Variants in ZNF713 observed in about 807,000 individuals in gnomAD.
ZNF713 encodes the protein zinc finger protein 713.
A neutral mutation model predicts 28.7 loss-of-function variants in ZNF713; 21 were observed. The ratio of observed to expected loss-of-function variants is 0.73; its 90% confidence interval spans 0.52 to 1.05. The LOEUF is 1.05. ZNF713 is among the 50% of genes least tolerant of loss of function. The probability of loss-of-function intolerance (pLI) is 0.00; values close to 1 mark genes in which losing one functional copy is unlikely to be tolerated. For synonymous variants in ZNF713, 167 were observed against 178.0 expected, an observed-to-expected ratio of 0.94 and a Z score of 0.49; for missense variants, 458 against 532.4, an observed-to-expected ratio of 0.86 and a Z score of 1.37.
chr7:55,888,562 T>A (rs1269455884), intron 1 of ZNF713, among the ~76,000 whole-genome samples: 1 of 152,094 alleles, frequency 6.6e-6, no homozygotes, highest in Non-Finnish European at 1.5e-5. Context: ...GTTGTTGTTG[T>A]TGTTGTTAGC....
At chr7:55,919,688 T>A (rs1785956676) in intron 4 of ZNF713, among the ~76,000 whole-genome samples, 1 of 151,836 alleles carries the variant, frequency 6.6e-6, no homozygotes, top group Non-Finnish European at 1.5e-5. Context: ...TAAATTTTTT[T>A]ACACTTTTTA....
intron 6 of ZNF713, among the ~76,000 whole-genome samples, chr7:55,927,256 G>T: frequency 6.6e-6 from 1 of 152,150 alleles, no homozygotes; most frequent in East Asian, 1.9e-4. Flanking sequence ...ATTGTTCTAG[G>T]CCAGGCTCAG....
chr7:55,923,189 G>A lies in ZNF713; in HGVS notation c.115G>A (p.Val39Met), dbSNP rs764109154. 6.8e-6 allele frequency: 11 copies of A among 1,612,530 alleles called. No individual in the cohort carries two copies. Among genetic ancestry groups the A allele is most frequent in the African/African-American group, 2.7e-5 (2 of 74,844 alleles). Residue 39 changes from valine to methionine, a missense_variant, in exon 5 of 7, where the codon GTG becomes ATG. Transcript: ENST00000429591. ...ATCACTGACGTTTCAGGATGTGGCC[G>A]TGGACTTCACCAGAGAGGAGTGGGA... ...QESLTFQDVA[V>M]DFTREEWDQL...
In ZNF713 at chr7:55,939,189, A is replaced by G. The variant is rs183534059; in HGVS notation, c.515A>G (p.Lys172Arg). The G allele has an allele frequency of 1.9e-6, 3 of 1,614,008 alleles. No individual in the cohort carries two copies. Among genetic ancestry groups the G allele is most frequent in the African/African-American group, 2.7e-5 (2 of 75,030 alleles). The change falls in exon 7 of 7, where the codon AAA becomes AGA. Residue 172 changes from lysine to arginine, a missense_variant. Lys to Arg is a conservative substitution (Grantham distance 26). Transcript: ENST00000429591. ...RYLGQVTLTH[K>R]KITQERSLEC... ...TTAGGACAAGTAACTTTGACCCACA[A>G]AAAGATCACACAGGAGAGAAGCCTT...
At position 55,887,861 on chromosome 7, in the gene ZNF713, CGGGCGGCGGCGGCGGCGGCGGCGGCG is replaced by C. The variant is rs1562731800; in HGVS notation, c.-583+184_-583+209del. Reference sequence around the variant, plus strand: ...GGCGGGCGGCGGCGGCGGCGGGCGGCGGGCGGCGGCGGCGGCGGCGGCGGCGGGCGGCGGCGGCGGCGGGAGGCGGC... The same window carrying C: ...GGCGGGCGGCGGCGGCGGCGGGCGGCGGCGGCGGCGGCGGCGGGAGGCGGC... On this transcript the variant is annotated intron_variant, in intron 1 of 6. Coordinates refer to ENST00000429591, the MANE Select transcript of ZNF713 (RefSeq NM_182633.3). Among the ~76,000 whole-genome samples, 22 of 12,678 alleles carry C rather than the reference CGGGCGGCGGCGGCGGCGGCGGCGGCG, an allele frequency of 1.7e-3. 7 individuals carry two copies. In the South Asian group the frequency reaches 0.028, roughly 16 times the overall value. The allele number at this position is 12,678 out of a possible 152,430, so 8.3% of individuals were successfully genotyped here.
chr7:55,897,912 T>G (rs1785503217), intron 1 of ZNF713, among the ~76,000 whole-genome samples: 1 of 152,198 alleles, frequency 6.6e-6, no homozygotes, highest in South Asian at 2.1e-4. Context: ...AAGCGTCTTT[T>G]GCTATTCATA....
intron 6 of ZNF713, among the ~76,000 whole-genome samples, chr7:55,934,870 T>C (rs1198732491): frequency 6.6e-6 from 1 of 151,308 alleles, no homozygotes; most frequent in Admixed American, 6.6e-5. Flanking sequence ...GCAAACCCTA[T>C]GATCTGGCAT....
Position 55,939,694 on chromosome 7 carries a change from G to C in ZNF713, c.1020G>C (p.Lys340Asn). ...ATCTGAGGATTCATACTGGAGAAAAGCCCTATAAATGTAATCAATGTGGTA... is the reference window on the plus strand; with the variant it reads ...ATCTGAGGATTCATACTGGAGAAAACCCCTATAAATGTAATCAATGTGGTA... ...TQHLRIHTGE[K>N]PYKCNQCGKA... The change falls in exon 7 of 7, where the codon AAG becomes AAC. Residue 340 changes from lysine to asparagine, a missense_variant. Physicochemically the swap from Lys to Asn is moderately conservative, Grantham distance 94 (BLOSUM62 0). Coordinates refer to ENST00000429591, the MANE Select transcript of ZNF713 (RefSeq NM_182633.3). The C allele has an allele frequency of 6.2e-7, 1 of 1,614,088 alleles. No homozygotes were observed. Among genetic ancestry groups the C allele is most frequent in the Non-Finnish European group, 8.5e-7 (1 of 1,180,022 alleles).
At chr7:55,934,844 T>G (rs180833604) in intron 6 of ZNF713, among the ~76,000 whole-genome samples, 87 of 151,532 alleles carry the variant, frequency 5.7e-4, no homozygotes, top group African/African-American at 2.0e-3. Context: ...ACAGAATTTA[T>G]CAAAATGTGT....
intron 1 of ZNF713, among the ~76,000 whole-genome samples, chr7:55,888,281 C>G (rs559412146): frequency 9.9e-5 from 15 of 152,270 alleles, no homozygotes; most frequent in African/African-American, 3.4e-4. Context: ...ACCTTTTTCT[C>G]TCATTGCCTT....
At chr7:55,888,405 C>T (rs753185154) in intron 1 of ZNF713, among the ~76,000 whole-genome samples, 54 of 152,234 alleles carry the variant, frequency 3.5e-4, no homozygotes, top group Non-Finnish European at 6.9e-4. Flanking sequence ...TGTTTTGAGA[C>T]AGGATCTCAC....
chr7:55,939,756 A>G lies in ZNF713; in HGVS notation c.1082A>G (p.His361Arg), dbSNP rs188617751. 9.9e-6 allele frequency: 16 copies of G among 1,614,228 alleles called. No homozygotes were observed. In the East Asian group the frequency reaches 3.1e-4, roughly 31 times the overall value. The change falls in exon 7 of 7, where the codon CAT becomes CGT. Residue 361 changes from histidine (H) to arginine (R), a missense_variant. Physicochemically the swap from His to Arg is conservative, Grantham distance 29. Coordinates refer to ENST00000429591, the MANE Select transcript of ZNF713 (RefSeq NM_182633.3). ...CGCATCACATCCCTTACTGAACATC[A>G]TAGACTTCATACCGGAGAGAAACCT... ...FSRITSLTEH[H>R]RLHTGEKPYE...
chr7:55,892,017 T>C (rs1321229879), intron 1 of ZNF713, among the ~76,000 whole-genome samples: 1 of 152,136 alleles, frequency 6.6e-6, no homozygotes, highest in African/African-American at 2.4e-5. Flanking sequence ...CAATGGCTTA[T>C]GCCTGTAATC....
chr7:55,914,333 A>T (rs997654653), intron 4 of ZNF713, among the ~76,000 whole-genome samples: 2 of 152,090 alleles, frequency 1.3e-5, no homozygotes, highest in Admixed American at 6.6e-5. Context: ...TGTAGCCAAT[A>T]AACTCATTGA....
chr7:55,899,717 G>T (rs1380369070), intron 1 of ZNF713, among the ~76,000 whole-genome samples: 3 of 151,930 alleles, frequency 2.0e-5, no homozygotes, highest in African/African-American at 7.3e-5. Context: ...TGATCCAGCA[G>T]TCCCACTTCT....
intron 1 of ZNF713, among the ~76,000 whole-genome samples, chr7:55,889,465 T>A (rs1028348993): frequency 6.6e-6 from 1 of 152,146 alleles, no homozygotes; most frequent in African/African-American, 2.4e-5. Context: ...TAAAAAAAAA[T>A]AATTTTTTAA....
At chr7:55,936,296 C>T (rs946425609) in intron 6 of ZNF713, among the ~76,000 whole-genome samples, 2 of 150,068 alleles carry the variant, frequency 1.3e-5, no homozygotes, top group Non-Finnish European at 1.5e-5. Flanking sequence ...AGAGGGACTT[C>T]CGTGAGGAGA....
At chr7:55,918,290 C>T (rs1785925220) in intron 4 of ZNF713, 1 of 261,794 alleles carries the variant, frequency 3.8e-6, no homozygotes, top group East Asian at 9.1e-5. Flanking sequence ...TACCAATTTG[C>T]CAGCCTTGTG....
intron 4 of ZNF713, among the ~76,000 whole-genome samples, chr7:55,920,012 T>G (rs1270959856): frequency 6.6e-6 from 1 of 152,220 alleles, no homozygotes; most frequent in East Asian, 1.9e-4. Flanking sequence ...CTCCACCATC[T>G]GGCTGTTCCT....
Sources: allele counts gnomAD v4.1 joint callset (sites outside exome capture counted in the v4.1 genomes callset), GRCh38; gene constraint gnomAD v4.1.1; transcripts MANE v1.5; gene names NCBI Gene and HGNC (gene_info 2026-07-23, HGNC 2026-07-21).